CRACD: variants seen among roughly 807,000 people sequenced by gnomAD.
CRACD encodes the protein capping protein-inhibiting regulator of actin dynamics.
In CRACD, 56 loss-of-function variants were observed where a neutral mutation model predicts 106.8. The observed-to-expected ratio is 0.52, with a 90% CI of 0.42 to 0.66. The LOEUF is 0.66. Among genes scored for constraint, CRACD ranks in the 30% least tolerant of loss-of-function variants. CRACD has a pLI of 0.00. For missense variants in CRACD, 1,730 were observed against 1,623.2 expected, an observed-to-expected ratio of 1.07 and a Z score of -1.13; for synonymous variants, 754 against 670.8, an observed-to-expected ratio of 1.12 and a Z score of -1.92.
intron 1 of CRACD, among the ~76,000 whole-genome samples, chr4:56,100,720 G>A (rs1393585208): frequency 6.6e-6 from 1 of 152,146 alleles, no homozygotes; most frequent in Non-Finnish European, 1.5e-5. Flanking sequence ...AGGAGAAGAT[G>A]GCCTTCTGTA....
intron 2 of CRACD, among the ~76,000 whole-genome samples, chr4:56,181,654 A>G (rs935937433): frequency 2.0e-5 from 3 of 152,138 alleles, no homozygotes; most frequent in African/African-American, 2.4e-5. Flanking sequence ...GAGACACATC[A>G]AAGGGAAACC....
chr4:56,282,855 C>T (rs1743108297), intron 3 of CRACD, among the ~76,000 whole-genome samples: 1 of 152,188 alleles, frequency 6.6e-6, no homozygotes, highest in Admixed American at 6.5e-5. Flanking sequence ...TTTCATTGTT[C>T]CTTTCGCATA....
intron 2 of CRACD, among the ~76,000 whole-genome samples, chr4:56,183,101 C>T (rs546160881): frequency 3.3e-5 from 5 of 151,508 alleles, no homozygotes; most frequent in Admixed American, 6.6e-5. Flanking sequence ...GGCATGGTGG[C>T]GCATGCCTGT....
At chr4:56,243,067 A>G (rs1472808972) in intron 2 of CRACD, among the ~76,000 whole-genome samples, 3 of 152,168 alleles carry the variant, frequency 2.0e-5, no homozygotes, top group African/African-American at 4.8e-5. Flanking sequence ...TTACTAATAG[A>G]ACTTCCCCAA....
Position 56,323,484 on chromosome 4 carries a change from G to A in CRACD, c.3295G>A (p.Gly1099Arg). 2 of 1,610,032 alleles carry A rather than the reference G, an allele frequency of 1.2e-6. No individual in the cohort carries two copies. The highest frequency in any genetic ancestry group is 1.7e-6 in the Non-Finnish European group (2 of 1,178,998). The change falls in exon 9 of 11, where the codon GGG (glycine) becomes AGG (arginine). Residue 1099 changes from glycine (G) to arginine (R), a missense_variant. Transcript: ENST00000682029. ...AACGTTAGCACTGCAAAAGCAAAAGGGGTTTCGGGAGCAGCAGGCGACGCG... is the reference window on the plus strand; with the variant it reads ...AACGTTAGCACTGCAAAAGCAAAAGAGGTTTCGGGAGCAGCAGGCGACGCG... Reference protein sequence around the residue: ...WITLALQKQKGFREQQATREE... With the variant: ...WITLALQKQKRFREQQATREE...
chr4:56,317,489 G>A (rs544700784), intron 8 of CRACD, among the ~76,000 whole-genome samples: 1 of 152,048 alleles, frequency 6.6e-6, no homozygotes, highest in Non-Finnish European at 1.5e-5. Flanking sequence ...ATGCCTTTTC[G>A]GTTGGCAATA....
intron 2 of CRACD, among the ~76,000 whole-genome samples, chr4:56,186,754 T>C (rs1345681428): frequency 6.6e-6 from 1 of 152,128 alleles, no homozygotes; most frequent in African/African-American, 2.4e-5. Context: ...TCCTCCATGA[T>C]AGGATGTAGC....
intron 1 of CRACD, among the ~76,000 whole-genome samples, chr4:56,141,089 C>CT (rs1735181339): frequency 6.6e-6 from 1 of 152,204 alleles, no homozygotes. Flanking sequence ...AGCCATGAGG[C>CT]TTAGCTTCTC....
intron 3 of CRACD, among the ~76,000 whole-genome samples, chr4:56,285,037 G>A (rs550332159): frequency 2.0e-5 from 3 of 152,276 alleles, no homozygotes; most frequent in African/African-American, 7.2e-5. Flanking sequence ...AACCATGGTT[G>A]GGAGGCCTCA....
At chr4:56,195,232 G>A (rs1194303403) in intron 2 of CRACD, among the ~76,000 whole-genome samples, 3 of 152,070 alleles carry the variant, frequency 2.0e-5, no homozygotes, top group Admixed American at 6.6e-5. Context: ...TCCAGAATAC[G>A]GGAGTTTCCA....
intron 3 of CRACD, among the ~76,000 whole-genome samples, chr4:56,276,849 A>G (rs184155846): frequency 1.2e-4 from 18 of 152,316 alleles, no homozygotes; most frequent in Admixed American, 9.8e-4. Context: ...TCCAGTTTCT[A>G]CTGAACACCC....
chr4:56,059,364 T>C (rs550841215), intron 1 of CRACD, among the ~76,000 whole-genome samples: 27 of 152,292 alleles, frequency 1.8e-4, no homozygotes, highest in African/African-American at 6.3e-4. Flanking sequence ...TGGTCCCAGC[T>C]ACTCAGGAGG....
chr4:56,197,576 G>A (rs990593381), intron 2 of CRACD, among the ~76,000 whole-genome samples: 3 of 152,176 alleles, frequency 2.0e-5, no homozygotes, highest in African/African-American at 7.2e-5. Context: ...GTTTGTGAAA[G>A]CCTGGCCCAG....
intron 2 of CRACD, among the ~76,000 whole-genome samples, chr4:56,208,985 T>C (rs1010451146): frequency 3.3e-5 from 5 of 152,206 alleles, no homozygotes; most frequent in South Asian, 2.1e-4. Context: ...TCTCTCTCTT[T>C]TTTTATTTTT....
chr4:56,057,814 G>GTTTTTT (rs1167413474), intron 1 of CRACD, among the ~76,000 whole-genome samples: 23 of 67,304 alleles, frequency 3.4e-4, no homozygotes, highest in East Asian at 1.5e-3. Flanking sequence ...TTTTTTTTTT[G>GTTTTTT]TTTTTTTTTT....
At chr4:56,057,318 G>T (rs1485237890) in intron 1 of CRACD, among the ~76,000 whole-genome samples, 1 of 152,196 alleles carries the variant, frequency 6.6e-6, no homozygotes, top group African/African-American at 2.4e-5. Context: ...ACCATTTAGT[G>T]CATGGCAATT....
chr4:56,091,412 C>A (rs2109820707), intron 1 of CRACD, among the ~76,000 whole-genome samples: 1 of 151,038 alleles, frequency 6.6e-6, no homozygotes, highest in East Asian at 1.9e-4. Context: ...GGGACCTCAC[C>A]TAAATTAAGG....
At chr4:56,134,744 A>G (rs1425549515) in intron 1 of CRACD, among the ~76,000 whole-genome samples, 5 of 152,214 alleles carry the variant, frequency 3.3e-5, no homozygotes, top group African/African-American at 1.2e-4. Flanking sequence ...AAATCTCACT[A>G]TAGTAGGTAA....
chr4:56,135,163 G>A (rs1049667404), intron 1 of CRACD, among the ~76,000 whole-genome samples: 1 of 152,190 alleles, frequency 6.6e-6, no homozygotes, highest in Non-Finnish European at 1.5e-5. Flanking sequence ...GTATGCGCCT[G>A]TAATCCCAGC....
Sources: gnomAD v4.1 joint callset for allele counts (sites outside exome capture counted in the v4.1 genomes callset) on GRCh38, gnomAD v4.1.1 for gene constraint, MANE v1.5 for transcripts, NCBI Gene and HGNC (gene_info 2026-07-23, HGNC 2026-07-21) for gene names.